DRAXIN: variants seen among roughly 807,000 people sequenced by gnomAD.
DRAXIN encodes the protein dorsal inhibitory axon guidance protein, also known as dorsal repulsive axon guidance protein.
DRAXIN carries 27 observed loss-of-function variants against 33.9 expected under a neutral mutation model. That is an observed-to-expected ratio of 0.80 (90% CI 0.59 to 1.10). The LOEUF is 1.10. Ranked by LOEUF, DRAXIN falls within the 50% of genes least tolerant of loss-of-function variation. The pLI is 0.00. For missense variants in DRAXIN, 371 were observed against 460.8 expected (o/e 0.81, Z 1.78); for synonymous variants, 178 against 194.0 (o/e 0.92, Z 0.69).
At chr1:11,693,302 G>A (rs1399390174) in intron 1 of DRAXIN, among the ~76,000 whole-genome samples, 5 of 152,064 alleles carry the variant, frequency 3.3e-5, no homozygotes, top group Non-Finnish European at 2.9e-5. Flanking sequence ...CCCCAATTCT[G>A]AACCTCAGTC....
At position 11,719,956 on chromosome 1, in the gene DRAXIN, G is replaced by A. The variant is rs1641637379; in HGVS notation, c.*260G>A. The A allele has an allele frequency of 2.1e-6, 1 of 472,758 alleles. No individual in the cohort carries two copies. The highest frequency in any genetic ancestry group is 3.6e-5 in the East Asian group (1 of 27,754). The allele number at this position is 472,758 out of a possible 1,614,324, so 29.3% of individuals were successfully genotyped here. A position where few individuals can be genotyped will look rare whatever the true frequency, so the allele number is the denominator to read the frequency against. ...GTGTCTTGCTCTCCGCGATGGCAAT[G>A]CCGAGAGTGCCCTCTACTGTCCGAC... On this transcript the variant is annotated 3_prime_UTR_variant, in exon 7 of 7. Transcript: ENST00000294485.
upstream of DRAXIN, among the ~76,000 whole-genome samples, chr1:11,689,453 G>A (rs937303462): frequency 6.6e-6 from 1 of 152,066 alleles, no homozygotes; most frequent in East Asian, 1.9e-4. Context: ...CAAAGTTAGC[G>A]GGCATGGTGG....
At chr1:11,707,515 A>G (rs962987559) in intron 2 of DRAXIN, among the ~76,000 whole-genome samples, 1 of 152,150 alleles carries the variant, frequency 6.6e-6, no homozygotes, top group Non-Finnish European at 1.5e-5. Flanking sequence ...ATCTACCCTC[A>G]GTGTCGTTGC....
intron 1 of DRAXIN, among the ~76,000 whole-genome samples, chr1:11,699,627 C>T (rs1006264974): frequency 2.0e-5 from 3 of 152,070 alleles, no homozygotes; most frequent in African/African-American, 7.2e-5. Context: ...TAAAGCAAAC[C>T]GCCGGGCGCA....
intron 1 of DRAXIN, among the ~76,000 whole-genome samples, chr1:11,697,951 CA>C (rs1408165070): frequency 6.6e-6 from 1 of 152,156 alleles, no homozygotes; most frequent in African/African-American, 2.4e-5. Context: ...ATCAACGCAC[CA>C]GTATGCCAGT....
At chr1:11,695,522 G>A (rs1223523789) in intron 1 of DRAXIN, among the ~76,000 whole-genome samples, 5 of 151,764 alleles carry the variant, frequency 3.3e-5, no homozygotes, top group Non-Finnish European at 5.9e-5. Context: ...GGAGGCACAG[G>A]TTGCAGGGAG....
Position 11,719,065 on chromosome 1 carries a change from T to A in DRAXIN, c.938-519T>A, listed in dbSNP as rs538780243. On this transcript the variant is annotated intron_variant, in intron 6 of 6. Transcript: ENST00000294485. Reference sequence around the variant, plus strand: ...ACAGGCACCCACCACCATGCCCGGGTAGTTTTTGTATTTTTTTAAGTAGAG... The same window carrying A: ...ACAGGCACCCACCACCATGCCCGGGAAGTTTTTGTATTTTTTTAAGTAGAG... 3.9e-3 allele frequency among the ~76,000 whole-genome samples: 599 copies of A among 151,784 alleles called. 4 individuals carry two copies. Among genetic ancestry groups the A allele is most frequent in the Non-Finnish European group, 6.7e-3 (458 of 67,932 alleles).
At chr1:11,689,970 G>C (rs1641032133), upstream of DRAXIN, among the ~76,000 whole-genome samples, 1 of 151,778 alleles carries the variant, frequency 6.6e-6, no homozygotes, top group African/African-American at 2.4e-5. Flanking sequence ...TCTTCTGCTT[G>C]CAAGTCTTCT....
chr1:11,691,688 C>T (rs1172439751), upstream of DRAXIN: 1 of 148,862 alleles, frequency 6.7e-6, no homozygotes, highest in East Asian at 2.0e-4. Context: ...TCCCTCCTGC[C>T]CGCCCACTCC....
intron 3 of DRAXIN, among the ~76,000 whole-genome samples, chr1:11,711,251 C>G (rs1570316799): frequency 1.3e-5 from 2 of 152,332 alleles, no homozygotes; most frequent in Admixed American, 6.5e-5. Context: ...CATGGTTATC[C>G]GTCTTATCAT....
At chr1:11,700,692 C>G (rs1641257549) in intron 1 of DRAXIN, among the ~76,000 whole-genome samples, 1 of 152,234 alleles carries the variant, frequency 6.6e-6, no homozygotes, top group Non-Finnish European at 1.5e-5. Context: ...GGGAGGGAGG[C>G]TGATGGGCTC....
rs1570325691 is a variant in DRAXIN at position 11,723,944 on chromosome 1, A to G, written c.*4248A>G. On this transcript the variant is annotated 3_prime_UTR_variant, in exon 7 of 7. Coordinates refer to ENST00000294485, the MANE Select transcript of DRAXIN (RefSeq NM_198545.4). ...TTTAGAACAGTGCCTAGCACCTAAT[A>G]AACCTCCAGTGTTAGCTAATTTGTT... The G allele has an allele frequency of 6.6e-6, 1 of 152,152 alleles. No individual in the cohort carries two copies. The highest frequency in any genetic ancestry group is 1.5e-5 in the Non-Finnish European group (1 of 68,044). The allele number at this position is 152,152 out of a possible 1,614,324, so 9.4% of individuals were successfully genotyped here. A position where few individuals can be genotyped will look rare whatever the true frequency, so the allele number is the denominator to read the frequency against.
intron 6 of DRAXIN, among the ~76,000 whole-genome samples, chr1:11,716,494 G>A (rs1377525775): frequency 6.6e-5 from 10 of 152,184 alleles, no homozygotes; most frequent in Non-Finnish European, 1.2e-4. Flanking sequence ...GGGAATTGGG[G>A]CTCAGCCCCT....
rs988008602 is a variant in DRAXIN, at chr1:11,702,782, G to A, written c.-10-3467G>A. On this transcript the variant is annotated intron_variant, in intron 1 of 6. Coordinates refer to ENST00000294485, the MANE Select transcript of DRAXIN (RefSeq NM_198545.4). ...TTTTTCTTTTGAGTCTCTCTCTGTC[G>A]CCCAGGTTGGAGTGCAGAGGCACAA... Among the ~76,000 whole-genome samples the A allele has an allele frequency of 3.4e-5, 5 of 145,502 alleles. No homozygotes were observed. The South Asian group carries it at 6.4e-4, about 19-fold the overall frequency.
rs1027614937 is a variant in DRAXIN at position 11,707,273 on chromosome 1, A to T, written c.451+564A>T. Reference sequence around the variant, plus strand: ...ATCAGGAAGTTCTACCTTGTATCTGACCTAAATTTCTCCTACTTTAAGTTC... The same window carrying T: ...ATCAGGAAGTTCTACCTTGTATCTGTCCTAAATTTCTCCTACTTTAAGTTC... On this transcript the variant is annotated intron_variant, in intron 2 of 6. Transcript: ENST00000294485. 2.0e-5 allele frequency among the ~76,000 whole-genome samples: 3 copies of T among 152,286 alleles called. No individual in the cohort carries two copies. The East Asian group carries it at 5.8e-4, about 29-fold the overall frequency.
chr1:11,697,022 C>A (rs571021713), intron 1 of DRAXIN, among the ~76,000 whole-genome samples: 1 of 145,200 alleles, frequency 6.9e-6, no homozygotes, highest in Non-Finnish European at 1.5e-5. Context: ...GGCAACAGAA[C>A]GAGATTCCAT....
Position 11,706,437 on chromosome 1 carries a change from G to A in DRAXIN, c.179G>A (p.Arg60Gln), listed in dbSNP as rs773590445. The change falls in exon 2 of 7, where the codon CGG (arginine) becomes CAG (glutamine). Residue 60 changes from arginine to glutamine, a missense_variant. Arg to Gln is a conservative substitution (Grantham distance 43). Transcript: ENST00000294485. The surrounding 1 kb of genome is among the most constrained non-coding windows in gnomAD (Gnocchi z 5.5). ...CCTCAGGCCAGCCACCACCGCCGGC[G>A]GGGCCCGGGCAAGAAGGAGTGGGGC... ...WTPQASHHRR[R>Q]GPGKKEWGPG... 106 of 1,611,526 alleles carry A rather than the reference G, an allele frequency of 6.6e-5. No homozygotes were observed. Among genetic ancestry groups the A allele is most frequent in the Admixed American group, 1.8e-4 (11 of 59,924 alleles).
rs1484690307 is a variant in DRAXIN at position 11,691,752 on chromosome 1, C to G, written c.-112C>G. 1 of 151,172 alleles carries G rather than the reference C, an allele frequency of 6.6e-6. No homozygotes were observed. Among genetic ancestry groups the G allele is most frequent in the Non-Finnish European group, 1.5e-5 (1 of 67,744 alleles). 9.4% of individuals were successfully genotyped at this position (151,172 alleles called of 1,614,324 possible). A position where few individuals can be genotyped will look rare whatever the true frequency, so the allele number is the denominator to read the frequency against. On this transcript the variant is annotated 5_prime_UTR_variant, in exon 1 of 7. Transcript: ENST00000294485. ...GCACATCCTCCGGCTGCCCGCGCAC[C>G]TCTCCACGCCGGCCCCGTTCCGCGG...
chr1:11,715,217 A>C lies in DRAXIN; in HGVS notation c.937+9A>C, dbSNP rs1416183886. ...CTGCATGTGTGTGGAAGGTGGGTCCAGACTCCTTTGCGGGGGGCTACCCAT... is the reference window on the plus strand; with the variant it reads ...CTGCATGTGTGTGGAAGGTGGGTCCCGACTCCTTTGCGGGGGGCTACCCAT... On this transcript the variant is annotated intron_variant, in intron 6 of 6. Coordinates refer to ENST00000294485, the MANE Select transcript of DRAXIN (RefSeq NM_198545.4). The C allele has an allele frequency of 1.9e-6, 3 of 1,614,106 alleles. No individual in the cohort carries two copies. Among genetic ancestry groups the C allele is most frequent in the Non-Finnish European group, 2.5e-6 (3 of 1,180,046 alleles).
Sources: gnomAD v4.1 joint callset for allele counts (sites outside exome capture counted in the v4.1 genomes callset) on GRCh38, gnomAD v4.1.1 for gene constraint, Gnocchi (gnomAD v3.1) non-coding constraint, MANE v1.5 for transcripts, NCBI Gene and HGNC (gene_info 2026-07-23, HGNC 2026-07-21) for gene names.